ZNF385D: variants seen among roughly 807,000 people sequenced by gnomAD.
The protein encoded by ZNF385D is zinc finger protein 659.
In ZNF385D, 15 loss-of-function variants were observed where a neutral mutation model predicts 35.8. That is an observed-to-expected ratio of 0.42 (90% CI 0.28 to 0.64). The LOEUF (loss-of-function observed/expected upper bound fraction) is 0.64. Ranked by LOEUF, ZNF385D falls within the 30% of genes least tolerant of loss-of-function variation. The pLI is 0.23. For synonymous variants in ZNF385D, 212 were observed against 186.8 expected, an observed-to-expected ratio of 1.13 and a Z score of -1.10; for missense variants, 474 against 494.6, an observed-to-expected ratio of 0.96 and a Z score of 0.39.
intron 1 of ZNF385D, among the ~76,000 whole-genome samples, chr3:21,737,591 T>C (rs1045708666): frequency 2.0e-5 from 3 of 151,976 alleles, no homozygotes; most frequent in Non-Finnish European, 4.4e-5. Flanking sequence ...CCTATGGTGG[T>C]TGGTGGGGGG....
intron 3 of ZNF385D, among the ~76,000 whole-genome samples, chr3:22,100,278 T>C (rs1488387791): frequency 6.9e-6 from 1 of 143,924 alleles, no homozygotes; most frequent in African/African-American, 2.7e-5. Context: ...AGTGTGGCGA[T>C]TCCTCAGGGA....
chr3:21,905,112 T>C (rs1271389885), intron 3 of ZNF385D, among the ~76,000 whole-genome samples: 1 of 148,228 alleles, frequency 6.7e-6, no homozygotes, highest in Non-Finnish European at 1.5e-5. Flanking sequence ...TTAGAGATTA[T>C]GACATTATAG....
At chr3:21,616,807 T>A (rs2064860233) in intron 2 of ZNF385D, among the ~76,000 whole-genome samples, 1 of 152,194 alleles carries the variant, frequency 6.6e-6, no homozygotes, top group Admixed American at 6.5e-5. Flanking sequence ...ATAAATAAGA[T>A]GAAAATTACT....
intron 1 of ZNF385D, among the ~76,000 whole-genome samples, chr3:21,675,730 C>G (rs1274124686): frequency 3.3e-5 from 5 of 152,088 alleles, no homozygotes; most frequent in Admixed American, 2.0e-4. Context: ...CTTGCCTCCA[C>G]AAGTTTATCA....
chr3:22,067,299 A>G (rs2695624), intron 3 of ZNF385D, among the ~76,000 whole-genome samples: 19,902 of 152,178 alleles, frequency 0.13, 1,617 homozygotes, highest in Middle Eastern at 0.22. Flanking sequence ...AGTACTCTCA[A>G]TCTTCTCAGT....
intron 2 of ZNF385D, among the ~76,000 whole-genome samples, chr3:22,197,077 A>G (rs909584375): frequency 3.3e-5 from 5 of 152,210 alleles, no homozygotes; most frequent in East Asian, 3.9e-4. Flanking sequence ...CAGCTTTCAC[A>G]TAATTTTTCA....
chr3:21,945,293 T>C (rs1701727342), intron 3 of ZNF385D, among the ~76,000 whole-genome samples: 1 of 152,030 alleles, frequency 6.6e-6, no homozygotes, highest in Non-Finnish European at 1.5e-5. Flanking sequence ...ATAACTGACT[T>C]AATAGAGTTT....
At chr3:21,929,233 C>T (rs1183134006) in intron 3 of ZNF385D, among the ~76,000 whole-genome samples, 1 of 151,980 alleles carries the variant, frequency 6.6e-6, no homozygotes, top group Non-Finnish European at 1.5e-5. Context: ...CCACATGATT[C>T]TTTAGATGCA....
At chr3:21,802,942 G>A (rs980947230) in intron 3 of ZNF385D, among the ~76,000 whole-genome samples, 1 of 152,158 alleles carries the variant, frequency 6.6e-6, no homozygotes, top group Admixed American at 6.6e-5. Context: ...TGGGAAGTAG[G>A]ACAAGGAATG....
chr3:22,181,495 G>A (rs944643814), intron 2 of ZNF385D, among the ~76,000 whole-genome samples: 2 of 152,040 alleles, frequency 1.3e-5, no homozygotes, highest in Non-Finnish European at 2.9e-5. Context: ...AGGAGATCGA[G>A]ACCATGCTGG....
chr3:22,262,255 G>A (rs1700670668), intron 2 of ZNF385D, among the ~76,000 whole-genome samples: 1 of 151,776 alleles, frequency 6.6e-6, no homozygotes, highest in Non-Finnish European at 1.5e-5. Context: ...GAGAATCTTT[G>A]CATTACTAGA....
At chr3:22,147,976 C>G (rs1486961928) in intron 3 of ZNF385D, among the ~76,000 whole-genome samples, 1 of 152,140 alleles carries the variant, frequency 6.6e-6, no homozygotes, top group Non-Finnish European at 1.5e-5. Context: ...GTTTCTGAGG[C>G]TGACATGGAG....
chr3:21,422,228 A>C (rs1700773535), intron 7 of ZNF385D, among the ~76,000 whole-genome samples: 1 of 152,228 alleles, frequency 6.6e-6, no homozygotes, highest in Non-Finnish European at 1.5e-5. Flanking sequence ...CTTGATTGTC[A>C]AAAGCTGCAT....
intron 3 of ZNF385D, among the ~76,000 whole-genome samples, chr3:21,863,477 T>C (rs749575894): frequency 4.6e-5 from 7 of 152,144 alleles, no homozygotes; most frequent in Non-Finnish European, 7.4e-5. Context: ...AGCAACCTTA[T>C]TGACTATGAG....
chr3:21,793,104 A>G (rs948697690), intron 3 of ZNF385D, among the ~76,000 whole-genome samples: 12 of 152,206 alleles, frequency 7.9e-5, no homozygotes, highest in Non-Finnish European at 1.6e-4. Flanking sequence ...TCTTACTACA[A>G]AAGTTAGCAT....
At chr3:21,672,329 AGTT>A (rs1377201795) in intron 1 of ZNF385D, among the ~76,000 whole-genome samples, 1 of 151,708 alleles carries the variant, frequency 6.6e-6, no homozygotes, top group Admixed American at 6.6e-5. Flanking sequence ...GGTTTCAGAA[AGTT>A]GATCCAGCAC....
intron 2 of ZNF385D, among the ~76,000 whole-genome samples, chr3:22,348,804 T>C (rs573801157): frequency 1.3e-5 from 2 of 152,306 alleles, no homozygotes; most frequent in Non-Finnish European, 2.9e-5. Context: ...GGCATGGTGA[T>C]AGCAGACTTC....
chr3:21,466,032 A>AC (rs1559317574), intron 4 of ZNF385D, among the ~76,000 whole-genome samples: 10 of 152,246 alleles, frequency 6.6e-5, no homozygotes, highest in African/African-American at 2.4e-4. Context: ...CGACCCTACC[A>AC]CCTGGAATGC....
At chr3:21,789,243 T>G (rs774877229) in intron 3 of ZNF385D, among the ~76,000 whole-genome samples, 10 of 152,336 alleles carry the variant, frequency 6.6e-5, no homozygotes, top group Admixed American at 2.6e-4. Flanking sequence ...AGGGTATGTG[T>G]GGCATTCTAA....
Sources: allele counts gnomAD v4.1 joint callset (sites outside exome capture counted in the v4.1 genomes callset), GRCh38; gene constraint gnomAD v4.1.1; transcripts MANE v1.5; gene names NCBI Gene and HGNC (gene_info 2026-07-23, HGNC 2026-07-21).